The following RNF112 variants were observed in gnomAD, a reference collection of about 807,000 sequenced individuals.
RNF112 encodes the protein brain finger protein.
A neutral mutation model predicts 64.7 loss-of-function variants in RNF112; 34 were observed. The observed-to-expected ratio is 0.53, with a 90% CI of 0.40 to 0.70. The LOEUF (loss-of-function observed/expected upper bound fraction) is 0.70, where lower values mean the gene tolerates loss of function less well. RNF112 is among the 30% of genes least tolerant of loss of function. The probability of loss-of-function intolerance (pLI) is 0.00; values close to 1 mark genes in which losing one functional copy is unlikely to be tolerated. For synonymous variants in RNF112, 345 were observed against 344.5 expected (o/e 1.00, Z -0.02); for missense variants, 734 against 850.0 (o/e 0.86, Z 1.70).
At position 19,416,506 on chromosome 17, in the gene RNF112, G is replaced by GATACGGCGACC; in HGVS notation, c.*332_*333insTACGGCGACCA. On this transcript the variant is annotated 3_prime_UTR_variant, in exon 14 of 14. Transcript: ENST00000461366. ...TCCCCACCTGGCTCATTTCCCCGAT[G>GATACGGCGACC]ACCCTGGATTGTAGGAAAGTTAAGC... 2 of 267,970 alleles carry GATACGGCGACC rather than the reference G, an allele frequency of 7.5e-6. No homozygotes were observed. The allele number at this position is 267,970 out of a possible 1,614,324, so 16.6% of individuals were successfully genotyped here. A position where few individuals can be genotyped will look rare whatever the true frequency, so the allele number is the denominator to read the frequency against.
rs1043733532 is a variant in RNF112, at chr17:19,415,651, G to A, written c.1426-54G>A. On this transcript the variant is annotated intron_variant, in intron 13 of 13. Coordinates refer to ENST00000461366, the MANE Select transcript of RNF112 (RefSeq NM_007148.5). This position sits in a 1 kb window ranked among gnomAD's most constrained non-coding sequence, Gnocchi z 7.8. ...GGCCGGGCAGGGTCCAGATCAGGGA[G>A]AGGATACCTGGGACTCCTGGTCAGG... The A allele has an allele frequency of 6.2e-7, 1 of 1,602,396 alleles. No homozygotes were observed.
In RNF112 at chr17:19,414,843, C is replaced by T; in HGVS notation, c.1082C>T (p.Ala361Val). 6.2e-7 allele frequency: 1 copy of T among 1,613,734 alleles called. No individual in the cohort carries two copies. The highest frequency in any genetic ancestry group is 8.5e-7 in the Non-Finnish European group (1 of 1,179,858). The change falls in exon 10 of 14, where the codon GCC becomes GTC. Residue 361 changes from alanine (A) to valine (V), a missense_variant. By Grantham distance (64) the Ala-to-Val change is moderately conservative (BLOSUM62 0). Coordinates refer to ENST00000461366, the MANE Select transcript of RNF112 (RefSeq NM_007148.5). The part of the protein sequence containing the change: ...GKRARCCLLP[A>V]PGRRRMNQGH... ...CGAGCCCGTTGCTGCCTCTTGCCTG[C>T]CCCAGGGAGGCGGCGGATGAACCAA...
intron 7 of RNF112, 28 bp from the exon 8 acceptor site, chr17:19,414,421 C>A (rs1329146464): frequency 6.2e-7 from 1 of 1,613,698 alleles, no homozygotes; most frequent in African/African-American, 1.3e-5. Flanking sequence ...GTGGCCCAGC[C>A]CTGACGCTTT....
Position 19,411,675 on chromosome 17 carries a change from G to T in RNF112, c.95+5G>T. 1 of 1,578,680 alleles carries T rather than the reference G, an allele frequency of 6.3e-7. No homozygotes were observed. Among genetic ancestry groups the T allele is most frequent in the Non-Finnish European group, 8.6e-7 (1 of 1,162,706 alleles). On this transcript the variant is annotated splice_donor_5th_base_variant and intron_variant, in intron 2 of 13. Transcript: ENST00000461366. Reference sequence around the variant, plus strand: ...GGGAAACAGCGGCAACAGTTGGTAAGTAGCAGGGCCTTCCAGGCTGGGATG... The same window carrying T: ...GGGAAACAGCGGCAACAGTTGGTAATTAGCAGGGCCTTCCAGGCTGGGATG...
In RNF112 at chr17:19,415,554, G is replaced by A. The variant is rs1157891159; in HGVS notation, c.1387G>A (p.Ala463Thr). 6.2e-7 allele frequency: 1 copy of A among 1,612,966 alleles called. No individual in the cohort carries two copies. Among genetic ancestry groups the A allele is most frequent in the Admixed American group, 1.7e-5 (1 of 59,864 alleles). The part of the protein sequence containing the change: ...AQLHDLRKVE[A>T]AKREFEEYVR... ...GCTGCACGACCTGAGGAAGGTGGAA[G>A]CTGCCAAGAGGGAGTTCGAGGAGTA... The change falls in exon 13 of 14, where the codon GCT becomes ACT. Residue 463 changes from alanine (A) to threonine (T), a missense_variant. Coordinates refer to ENST00000461366, the MANE Select transcript of RNF112 (RefSeq NM_007148.5). The surrounding 1 kb of genome is among the most constrained non-coding windows in gnomAD (Gnocchi z 7.8).
rs908032677 is a variant in RNF112, at chr17:19,411,288, C to T, written c.-121C>T. ...GCTCCTCGGGGATACCATCCCCCGA[C>T]CTCACCTTCTACCTACCGCAGCCTG... On this transcript the variant is annotated 5_prime_UTR_variant, in exon 1 of 14. Coordinates refer to ENST00000461366, the MANE Select transcript of RNF112 (RefSeq NM_007148.5). The T allele has an allele frequency of 1.9e-5, 16 of 845,718 alleles. No individual in the cohort carries two copies. The highest frequency in any genetic ancestry group is 1.0e-4 in the African/African-American group (6 of 59,000). 52.4% of individuals were successfully genotyped at this position (845,718 alleles called of 1,614,324 possible). A position where few individuals can be genotyped will look rare whatever the true frequency, so the allele number is the denominator to read the frequency against.
chr17:19,412,664 G>A lies in RNF112; in HGVS notation c.262G>A (p.Gly88Ser). ...IRCFSTHRLP[G>S]CEPPCCPECR... is the part of the protein sequence containing the mutation. ...GTGCTTCAGCACACACCGTCTCCCG[G>A]GCTGTGAGCCGCCCTGCTGTCCTGA... The change falls in exon 3 of 14, where the codon GGC becomes AGC. Residue 88 changes from glycine (G) to serine (S), a missense_variant. Transcript: ENST00000461366. This position sits in a 1 kb window ranked among gnomAD's most constrained non-coding sequence, Gnocchi z 5.1. 1 of 1,613,416 alleles carries A rather than the reference G, an allele frequency of 6.2e-7. No individual in the cohort carries two copies. Among genetic ancestry groups the A allele is most frequent in the Non-Finnish European group, 8.5e-7 (1 of 1,179,764 alleles).
rs773568285 is a variant in RNF112, at chr17:19,412,595, C to A, written c.193C>A (p.Arg65Ser). ...CTGCTCCATCTGCCTGGAGAGGTTG[C>A]GCGACCCCATCTCGCTGGACTGTGG... ...PTCSICLERLRDPISLDCGHD... is the reference protein window; with the variant it reads ...PTCSICLERLSDPISLDCGHD... The change falls in exon 3 of 14, where the codon CGC becomes AGC. Residue 65 changes from arginine (R) to serine (S), a missense_variant. Transcript: ENST00000461366. This position sits in a 1 kb window ranked among gnomAD's most constrained non-coding sequence, Gnocchi z 5.1. The A allele has an allele frequency of 1.2e-6, 2 of 1,613,188 alleles. No homozygotes were observed. The highest frequency in any genetic ancestry group is 1.7e-6 in the Non-Finnish European group (2 of 1,179,710).
rs143323402 is a variant in RNF112, at chr17:19,413,000, C to T, written c.444C>T (p.Leu148=). Residue 148 remains leucine (L), a synonymous_variant, in exon 4 of 14, where the codon CTC becomes CTT. Transcript: ENST00000461366. The surrounding 1 kb of genome is among the most constrained non-coding windows in gnomAD (Gnocchi z 5.1). ...LLVRINASGG[L]ILRMGAINRC... is the part of the protein sequence containing the mutation. ...TTCGCATCAATGCCTCTGGGGGCCT[C>T]ATCCTTAGGATGGGGGCCATCAACC... 2.5e-6 allele frequency: 4 copies of T among 1,610,794 alleles called. No homozygotes were observed. In the African/African-American group the frequency reaches 4.0e-5, roughly 16 times the overall value.
chr17:19,416,070 G>C lies in RNF112; in HGVS notation c.1791G>C (p.Gly597=). The C allele has an allele frequency of 1.3e-6, 2 of 1,571,676 alleles. No individual in the cohort carries two copies. Among genetic ancestry groups the C allele is most frequent in the Non-Finnish European group, 1.7e-6 (2 of 1,159,664 alleles). ...GGGCCACAGGGGCCGCTGTGGTTGGGGGTGGCGTGGGTGCTGGGTTGGCTG... is the reference window on the plus strand; with the variant it reads ...GGGCCACAGGGGCCGCTGTGGTTGGCGGTGGCGTGGGTGCTGGGTTGGCTG... ...AVGATGAAVV[G]GGVGAGLAAT... Residue 597 remains glycine, a synonymous_variant, in exon 14 of 14, where the codon GGG becomes GGC. Transcript: ENST00000461366.
Position 19,416,994 on chromosome 17 carries a change from G to A in RNF112, c.*819G>A, listed in dbSNP as rs940362616. 1 of 151,994 alleles carries A rather than the reference G, an allele frequency of 6.6e-6. No homozygotes were observed. Among genetic ancestry groups the A allele is most frequent in the Non-Finnish European group, 1.5e-5 (1 of 68,028 alleles). The allele number at this position is 151,994 out of a possible 1,614,324, so 9.4% of individuals were successfully genotyped here. ...GCTAAGCCAGACAGCCTTTATACTA[G>A]ATTCTATCAAAATCTTGCAAAGGAA... is the stretch of plus-strand genomic sequence containing the variant. On this transcript the variant is annotated 3_prime_UTR_variant, in exon 14 of 14. Transcript: ENST00000461366.
chr17:19,416,253 G>A lies in RNF112; in HGVS notation c.*78G>A, dbSNP rs1048553058. 6.8e-6 allele frequency: 9 copies of A among 1,323,460 alleles called. No individual in the cohort carries two copies. The highest frequency in any genetic ancestry group is 9.3e-6 in the Non-Finnish European group (9 of 972,200). 82.0% of individuals were successfully genotyped at this position (1,323,460 alleles called of 1,614,324 possible). ...GAGGGGCAGGTCGGGGGAGGGTGAT[G>A]CCAGGGATTCCAAGGCACCGCCATG... On this transcript the variant is annotated 3_prime_UTR_variant, in exon 14 of 14. Coordinates refer to ENST00000461366, the MANE Select transcript of RNF112 (RefSeq NM_007148.5).
At position 19,412,825 on chromosome 17, in the gene RNF112, G is replaced by T; in HGVS notation, c.381+42G>T. 6.3e-7 allele frequency: 1 copy of T among 1,594,922 alleles called. No homozygotes were observed. The highest frequency in any genetic ancestry group is 8.5e-7 in the Non-Finnish European group (1 of 1,174,548). On this transcript the variant is annotated intron_variant, in intron 3 of 13. Transcript: ENST00000461366. This position sits in a 1 kb window ranked among gnomAD's most constrained non-coding sequence, Gnocchi z 5.1. Reference sequence around the variant, plus strand: ...TAATCAGTCAGACCCAAGAGGAGGGGGTGGCTTTGGCCCTATTCTAGAACA... The same window carrying T: ...TAATCAGTCAGACCCAAGAGGAGGGTGTGGCTTTGGCCCTATTCTAGAACA...
Position 19,412,029 on chromosome 17 carries a change from C to A in RNF112, c.95+359C>A, listed in dbSNP as rs1048907621. Among the ~76,000 whole-genome samples the A allele has an allele frequency of 1.3e-5, 2 of 152,188 alleles. No homozygotes were observed. Among genetic ancestry groups the A allele is most frequent in the African/African-American group, 4.8e-5 (2 of 41,440 alleles). On this transcript the variant is annotated intron_variant, in intron 2 of 13. Transcript: ENST00000461366. This position sits in a 1 kb window ranked among gnomAD's most constrained non-coding sequence, Gnocchi z 5.1. The stretch of plus-strand genomic sequence containing the variant: ...TCATGGAGGGAGCCCCGCTGTAGAA[C>A]GCCGGGAGAGGCTCTTCCCAAGCAT...
At position 19,415,454 on chromosome 17, in the gene RNF112, G is replaced by A; in HGVS notation, c.1351-64G>A. 2.6e-6 allele frequency: 4 copies of A among 1,564,096 alleles called. No homozygotes were observed. The highest frequency in any genetic ancestry group is 3.5e-6 in the Non-Finnish European group (4 of 1,154,064). ...TGTGTGCCCTGGGAGTGGAGATGAG[G>A]AAACAAGCAGCGCCCCTGGCTGAGA... On this transcript the variant is annotated intron_variant, in intron 12 of 13. Coordinates refer to ENST00000461366, the MANE Select transcript of RNF112 (RefSeq NM_007148.5). This position sits in a 1 kb window ranked among gnomAD's most constrained non-coding sequence, Gnocchi z 7.8.
In RNF112 at chr17:19,414,526, T is replaced by G. The variant is rs760561621; in HGVS notation, c.933+21T>G. ...TCCAGGTGAGACACCTATCTCTGGA[T>G]TCATTGGCCCCAGGCCCCGCCACCC... On this transcript the variant is annotated intron_variant, in intron 8 of 13. Transcript: ENST00000461366. The G allele has an allele frequency of 2.5e-6, 4 of 1,613,832 alleles. No individual in the cohort carries two copies. The African/African-American group carries it at 5.3e-5, about 22-fold the overall frequency.
At position 19,412,929 on chromosome 17, in the gene RNF112, C is replaced by T. The variant is rs1913715531; in HGVS notation, c.382-9C>T. 2 of 1,576,424 alleles carry T rather than the reference C, an allele frequency of 1.3e-6. No homozygotes were observed. Among genetic ancestry groups the T allele is most frequent in the Non-Finnish European group, 1.7e-6 (2 of 1,161,632 alleles). ...GATGCTCAGGGGCCCCTCTCTTCTCCTGGCCCAGGAGACGTGTCCTGTGAG... is the reference window on the plus strand; with the variant it reads ...GATGCTCAGGGGCCCCTCTCTTCTCTTGGCCCAGGAGACGTGTCCTGTGAG... On this transcript the variant is annotated splice_polypyrimidine_tract_variant and intron_variant, in intron 3 of 13. Coordinates refer to ENST00000461366, the MANE Select transcript of RNF112 (RefSeq NM_007148.5). This position sits in a 1 kb window ranked among gnomAD's most constrained non-coding sequence, Gnocchi z 5.1.
Position 19,412,655 on chromosome 17 carries a change from C to A in RNF112, c.253C>A (p.Arg85Ser). 6.2e-7 allele frequency: 1 copy of A among 1,613,428 alleles called. No individual in the cohort carries two copies. The highest frequency in any genetic ancestry group is 1.1e-5 in the South Asian group (1 of 91,038). ...CTGCATACGGTGCTTCAGCACACAC[C>A]GTCTCCCGGGCTGTGAGCCGCCCTG... Reference protein sequence around the residue: ...DFCIRCFSTHRLPGCEPPCCP... With the variant: ...DFCIRCFSTHSLPGCEPPCCP... The change falls in exon 3 of 14, where the codon CGT becomes AGT. Residue 85 changes from arginine (R) to serine (S), a missense_variant. Physicochemically the swap from Arg to Ser is moderately radical, Grantham distance 110. Coordinates refer to ENST00000461366, the MANE Select transcript of RNF112 (RefSeq NM_007148.5). The surrounding 1 kb of genome is among the most constrained non-coding windows in gnomAD (Gnocchi z 5.1).
chr17:19,416,019 G>A lies in RNF112; in HGVS notation c.1740G>A (p.Gly580=), dbSNP rs548585981. Residue 580 remains glycine, a synonymous_variant, in exon 14 of 14, where the codon GGG becomes GGA. Coordinates refer to ENST00000461366, the MANE Select transcript of RNF112 (RefSeq NM_007148.5). ...MAAAALAAEA[G]MVAAGAAVGA... is the part of the protein sequence containing the mutation. The stretch of plus-strand genomic sequence containing the variant: ...CAGCTGCACTGGCTGCAGAGGCTGG[G>A]ATGGTGGCTGCTGGAGCTGCCGTGG... 49 of 1,550,014 alleles carry A rather than the reference G, an allele frequency of 3.2e-5. No homozygotes were observed. The African/African-American group carries it at 6.4e-4, about 20-fold the overall frequency.
Sources: gnomAD v4.1 joint callset for allele counts (sites outside exome capture counted in the v4.1 genomes callset) on GRCh38, gnomAD v4.1.1 for gene constraint, Gnocchi (gnomAD v3.1) non-coding constraint, MANE v1.5 for transcripts, NCBI Gene and HGNC (gene_info 2026-07-23, HGNC 2026-07-21) for gene names.